Variants in PPFIBP1 observed in about 807,000 individuals in gnomAD.
PPFIBP1 encodes the protein liprin-beta-1.
A neutral mutation model predicts 137.8 loss-of-function variants in PPFIBP1; 112 were observed. That is an observed-to-expected ratio of 0.81 (90% CI 0.70 to 0.95). The LOEUF is 0.95. Among genes scored for constraint, PPFIBP1 ranks in the 40% least tolerant of loss-of-function variants. The pLI, the probability that PPFIBP1 is intolerant of heterozygous loss-of-function variation, is 0.00. For missense variants in PPFIBP1, 1,083 were observed against 1,196.6 expected, an observed-to-expected ratio of 0.91 and a Z score of 1.40; for synonymous variants, 378 against 417.3, an observed-to-expected ratio of 0.91 and a Z score of 1.15.
In PPFIBP1 at chr12:27,682,432, G is replaced by A. The variant is rs758881689; in HGVS notation, c.2092G>A (p.Ala698Thr). ...ACTTCATCGAAAGAAACTCCAGCTA[G>A]CACTCCAAGCCCTGGGATCTGAAGA... Reference protein sequence around the residue: ...HSLHRKKLQLALQALGSEEET... With the variant: ...HSLHRKKLQLTLQALGSEEET... The change falls in exon 23 of 30, where the codon GCA becomes ACA. Residue 698 changes from alanine (A) to threonine (T), a missense_variant. By Grantham distance (58) the Ala-to-Thr change is moderately conservative. Transcript: ENST00000228425. 2.5e-5 allele frequency: 40 copies of A among 1,613,908 alleles called. No homozygotes were observed. The Middle Eastern group carries it at 1.2e-3, about 46-fold the overall frequency.
At chr12:27,567,287 A>G (rs1017872032) in intron 1 of PPFIBP1, among the ~76,000 whole-genome samples, 2 of 152,254 alleles carry the variant, frequency 1.3e-5, no homozygotes, top group Non-Finnish European at 1.5e-5. Flanking sequence ...TTAAAGATCT[A>G]TCAACCAACC....
chr12:27,550,282 C>T (rs573136283), intron 1 of PPFIBP1, among the ~76,000 whole-genome samples: 1 of 152,128 alleles, frequency 6.6e-6, no homozygotes, highest in Non-Finnish European at 1.5e-5. Flanking sequence ...CTCTGGGTGC[C>T]CATACATTGT....
At chr12:27,665,038 A>T (rs1003258315) in intron 12 of PPFIBP1, among the ~76,000 whole-genome samples, 3 of 152,174 alleles carry the variant, frequency 2.0e-5, no homozygotes, top group Admixed American at 6.5e-5. Flanking sequence ...ATACAAAAAA[A>T]TTAGCTGGGC....
intron 1 of PPFIBP1, among the ~76,000 whole-genome samples, chr12:27,574,238 A>G (rs1205573964): frequency 6.6e-6 from 1 of 152,136 alleles, no homozygotes; most frequent in East Asian, 1.9e-4. Flanking sequence ...GTGGCTGGAT[A>G]GAGCTCTTTT....
At chr12:27,679,263 T>C (rs10743606) in intron 19 of PPFIBP1, among the ~76,000 whole-genome samples, 147,656 of 152,294 alleles carry the variant, frequency 0.97, 71,746 homozygotes, top group East Asian at 1. Context: ...TCCTATCACA[T>C]TCTTTTAATC....
chr12:27,605,101 A>G (rs773003254), intron 2 of PPFIBP1, among the ~76,000 whole-genome samples: 13 of 152,286 alleles, frequency 8.5e-5, no homozygotes, highest in Non-Finnish European at 1.6e-4. Flanking sequence ...GGGGACACAG[A>G]GTCAAACCAT....
intron 2 of PPFIBP1, among the ~76,000 whole-genome samples, chr12:27,580,026 T>C (rs1409628561): frequency 1.3e-5 from 2 of 152,054 alleles, no homozygotes; most frequent in Non-Finnish European, 2.9e-5. Flanking sequence ...AGAAAAGAGA[T>C]GTGTCTGGAT....
At chr12:27,641,513 C>T (rs1472316986) in intron 4 of PPFIBP1, among the ~76,000 whole-genome samples, 1 of 152,146 alleles carries the variant, frequency 6.6e-6, no homozygotes, top group African/African-American at 2.4e-5. Context: ...GGTTTCATCA[C>T]GTGCATTTCT....
intron 1 of PPFIBP1, among the ~76,000 whole-genome samples, chr12:27,563,637 C>T (rs2049373041): frequency 6.6e-6 from 1 of 151,942 alleles, no homozygotes; most frequent in South Asian, 2.1e-4. Flanking sequence ...TGAGAACAAC[C>T]CCCACAGCCA....
chr12:27,640,295 CAAG>C (rs1374947484), intron 4 of PPFIBP1, among the ~76,000 whole-genome samples: 2 of 152,160 alleles, frequency 1.3e-5, no homozygotes, highest in Non-Finnish European at 2.9e-5. Context: ...GAAAATGTGA[CAAG>C]AACAATAGGG....
In PPFIBP1 at chr12:27,691,880, T is replaced by C. The variant is rs1228843586; in HGVS notation, c.2817T>C (p.Gly939=). Residue 939 remains glycine (G), a synonymous_variant, in exon 28 of 30, where the codon GGT becomes GGC. Coordinates refer to ENST00000228425, the MANE Select transcript of PPFIBP1 (RefSeq NM_003622.4). ...GSASKKGFKP[G]LDMRLYEEDD... The stretch of plus-strand genomic sequence containing the variant: ...CATCTAAGAAAGGATTTAAACCTGG[T>C]TTGGATATGCGCCTGTATGAGGAAG... 3 of 1,614,062 alleles carry C rather than the reference T, an allele frequency of 1.9e-6. No individual in the cohort carries two copies. In the African/African-American group the frequency reaches 4.0e-5, roughly 22 times the overall value.
intron 1 of PPFIBP1, among the ~76,000 whole-genome samples, chr12:27,560,654 C>G (rs142031110): frequency 1.2e-4 from 19 of 152,220 alleles, no homozygotes; most frequent in African/African-American, 4.6e-4. Context: ...CACAGCCATA[C>G]GAGTTGAGTA....
chr12:27,660,186 C>T (rs935848360), intron 10 of PPFIBP1, among the ~76,000 whole-genome samples: 8 of 152,154 alleles, frequency 5.3e-5, no homozygotes, highest in African/African-American at 1.7e-4. Flanking sequence ...GCCACCACAC[C>T]AGGCCCTGGA....
intron 19 of PPFIBP1, among the ~76,000 whole-genome samples, chr12:27,678,570 A>G (rs186005950): frequency 1.9e-3 from 294 of 152,316 alleles, no homozygotes; most frequent in African/African-American, 6.2e-3. Context: ...AGAACATTTA[A>G]GAGACGAGGC....
intron 12 of PPFIBP1, among the ~76,000 whole-genome samples, chr12:27,666,172 T>C (rs1298315779): frequency 6.6e-6 from 1 of 152,228 alleles, no homozygotes; most frequent in Non-Finnish European, 1.5e-5. Context: ...TTTTTGTGTA[T>C]TGTTTATTTC....
At chr12:27,659,266 T>A (rs2059398423) in intron 10 of PPFIBP1, among the ~76,000 whole-genome samples, 1 of 152,220 alleles carries the variant, frequency 6.6e-6, no homozygotes, top group Non-Finnish European at 1.5e-5. Flanking sequence ...TTGTCTGGGA[T>A]CTATTAGAAG....
In PPFIBP1 at chr12:27,599,244, G is replaced by A. The variant is rs532616856; in HGVS notation, c.-36+21005G>A. The A allele has an allele frequency of 6.4e-5, 14 of 217,596 alleles. No individual in the cohort carries two copies. In the South Asian group the frequency reaches 9.5e-4, roughly 15 times the overall value. The allele number at this position is 217,596 out of a possible 1,614,324, so 13.5% of individuals were successfully genotyped here. On this transcript the variant is annotated intron_variant, in intron 2 of 29. Transcript: ENST00000228425. ...ATCAGTAGACCCAGGAAAGCAGATT[G>A]CCCTTCCCAGTGTGGGTGGACATCA...
chr12:27,648,910 C>T (rs757054231), intron 6 of PPFIBP1, among the ~76,000 whole-genome samples: 17 of 152,018 alleles, frequency 1.1e-4, no homozygotes, highest in Non-Finnish European at 1.6e-4. Context: ...ATAATAGTTT[C>T]CATGAATAAG....
At chr12:27,598,227 T>G (rs1384149488) in intron 2 of PPFIBP1, among the ~76,000 whole-genome samples, 3 of 152,182 alleles carry the variant, frequency 2.0e-5, no homozygotes, top group Admixed American at 1.3e-4. Context: ...AAAAAAAAGT[T>G]TAATGGACTC....
Sources: gnomAD v4.1 joint callset for allele counts (sites outside exome capture counted in the v4.1 genomes callset) on GRCh38, gnomAD v4.1.1 for gene constraint, MANE v1.5 for transcripts, NCBI Gene and HGNC (gene_info 2026-07-23, HGNC 2026-07-21) for gene names.